Variants in AXDND1 observed in about 807,000 individuals in gnomAD.
AXDND1 encodes the protein axonemal dynein light chain domain-containing protein 1.
AXDND1 carries 110 observed loss-of-function variants against 137.5 expected under a neutral mutation model. That is an observed-to-expected ratio of 0.80 (90% CI 0.69 to 0.94). The LOEUF is 0.94. Ranked by LOEUF, AXDND1 falls within the 40% of genes least tolerant of loss-of-function variation. AXDND1 has a pLI of 0.00. For missense variants in AXDND1, 1,191 were observed against 1,169.8 expected, an observed-to-expected ratio of 1.02 and a Z score of -0.26; for synonymous variants, 414 against 399.7, an observed-to-expected ratio of 1.04 and a Z score of -0.43.
intron 16 of AXDND1, among the ~76,000 whole-genome samples, chr1:179,465,614 C>T (rs1663029229): frequency 6.6e-6 from 1 of 152,206 alleles, no homozygotes; most frequent in African/African-American, 2.4e-5. Flanking sequence ...AGATCTCAAA[C>T]TCTGTGCTGG....
At position 179,445,195 on chromosome 1, in the gene AXDND1, G is replaced by C; in HGVS notation, c.1789G>C (p.Gly597Arg). 1 of 1,552,102 alleles carries C rather than the reference G, an allele frequency of 6.4e-7. No homozygotes were observed. The highest frequency in any genetic ancestry group is 8.8e-7 in the Non-Finnish European group (1 of 1,139,570). ...LYKEYEIRIN[G>R]DNGYSKILPS... ...CAAAGAATATGAAATAAGAATAAATGGGGACAATGGTAAGAAAATACTCAT... is the reference window on the plus strand; with the variant it reads ...CAAAGAATATGAAATAAGAATAAATCGGGACAATGGTAAGAAAATACTCAT... Residue 597 changes from glycine (G) to arginine (R), a missense_variant, in exon 16 of 26, where the codon GGG (glycine) becomes CGG (arginine). Transcript: ENST00000367618.
intron 6 of AXDND1, among the ~76,000 whole-genome samples, chr1:179,381,929 C>T (rs910729747): frequency 1.1e-4 from 15 of 136,776 alleles, no homozygotes; most frequent in Admixed American, 3.7e-4. Context: ...TACAGGCACG[C>T]GCCACCACAC....
chr1:179,374,167 TACAA>T, intron 4 of AXDND1, among the ~76,000 whole-genome samples: 1 of 152,262 alleles, frequency 6.6e-6, no homozygotes, highest in Non-Finnish European at 1.5e-5. Context: ...GGGCAAAGGA[TACAA>T]ACAGACACTT....
At chr1:179,415,922 GTCTTT>G (rs1441625235) in intron 12 of AXDND1, among the ~76,000 whole-genome samples, 1 of 152,084 alleles carries the variant, frequency 6.6e-6, no homozygotes, top group African/African-American at 2.4e-5. Flanking sequence ...TAAAATATTT[GTCTTT>G]TCTTTGTGGT....
At chr1:179,516,997 G>C (rs1415259177) in intron 21 of AXDND1, among the ~76,000 whole-genome samples, 2 of 152,144 alleles carry the variant, frequency 1.3e-5, no homozygotes, top group African/African-American at 4.8e-5. Context: ...AACTGGTGGT[G>C]GGCAGAGCCC....
chr1:179,383,653 A>G (rs999620883), intron 8 of AXDND1, 109 bp downstream of exon 8: 4 of 743,296 alleles, frequency 5.4e-6, no homozygotes, highest in African/African-American at 5.3e-5. Context: ...GGCCTTGGAC[A>G]AGTCATTTAA....
intron 11 of AXDND1, among the ~76,000 whole-genome samples, chr1:179,406,721 C>T (rs1359681681): frequency 6.6e-6 from 1 of 152,054 alleles, no homozygotes; most frequent in African/African-American, 2.4e-5. Flanking sequence ...TTTTCCATCT[C>T]TTCACTTTTA....
chr1:179,509,300 A>G lies in AXDND1; in HGVS notation c.2393A>G (p.Glu798Gly). 6.3e-7 allele frequency: 1 copy of G among 1,599,426 alleles called. No homozygotes were observed. The highest frequency in any genetic ancestry group is 8.5e-7 in the Non-Finnish European group (1 of 1,170,956). ...DLYEVDKLKK[E>G]CYEWINTCSC... Reference sequence around the variant, plus strand: ...TAATCTTTTATCTCTTCTCAGAAAGAATGTTATGAATGGATCAACACATGC... The same window carrying G: ...TAATCTTTTATCTCTTCTCAGAAAGGATGTTATGAATGGATCAACACATGC... Residue 798 changes from glutamate to glycine, a missense_variant, in exon 21 of 26, where the codon GAA (glutamate) becomes GGA (glycine). By Grantham distance (98) the Glu-to-Gly change is moderately conservative. Coordinates refer to ENST00000367618, the MANE Select transcript of AXDND1 (RefSeq NM_144696.6).
At position 179,382,741 on chromosome 1, in the gene AXDND1, T is replaced by C. The variant is rs755639250; in HGVS notation, c.623T>C (p.Leu208Ser). The C allele has an allele frequency of 6.3e-7, 1 of 1,597,896 alleles. No individual in the cohort carries two copies. The highest frequency in any genetic ancestry group is 1.1e-5 in the South Asian group (1 of 90,594). The change falls in exon 7 of 26, where the codon TTG becomes TCG. Residue 208 changes from leucine to serine, a missense_variant. Physicochemically the swap from Leu to Ser is moderately radical, Grantham distance 145 (BLOSUM62 -2). Transcript: ENST00000367618. ...TLLTDSENRL[L>S]LFPSMKPNKR... ...CTCACAGATAGTGAAAACAGGCTAT[T>C]GCTCTTCCCATCCATGTAAGTACAG...
At chr1:179,531,573 G>A (rs934342554) in intron 23 of AXDND1, among the ~76,000 whole-genome samples, 8 of 151,992 alleles carry the variant, frequency 5.3e-5, no homozygotes, top group African/African-American at 1.7e-4. Context: ...CAAACAGAAG[G>A]GGCCTAATTG....
chr1:179,377,882 C>T (rs1364795798), intron 4 of AXDND1, among the ~76,000 whole-genome samples: 1 of 152,138 alleles, frequency 6.6e-6, no homozygotes, highest in Non-Finnish European at 1.5e-5. Context: ...ATCATAATAA[C>T]ATGACAGCGG....
chr1:179,404,607 A>T (rs1018866499), intron 11 of AXDND1, among the ~76,000 whole-genome samples: 3 of 152,006 alleles, frequency 2.0e-5, no homozygotes, highest in Non-Finnish European at 4.4e-5. Flanking sequence ...GATAAATCCC[A>T]CTTAATCATG....
At chr1:179,488,659 CTT>C (rs1273729372) in intron 18 of AXDND1, among the ~76,000 whole-genome samples, 9 of 103,562 alleles carry the variant, frequency 8.7e-5, no homozygotes, top group African/African-American at 3.1e-4. Context: ...TTCTTTCTTT[CTT>C]TCTTTCTTTC....
intron 25 of AXDND1, among the ~76,000 whole-genome samples, chr1:179,540,740 T>A (rs964574347): frequency 1.3e-5 from 2 of 152,196 alleles, no homozygotes; most frequent in African/African-American, 4.8e-5. Context: ...GAACCACTGC[T>A]CTCTTCAGAG....
intron 25 of AXDND1, chr1:179,550,991 C>G (rs1307290202): frequency 4.2e-6 from 3 of 709,046 alleles, no homozygotes; most frequent in Non-Finnish European, 7.1e-6. Context: ...TGTTGTCTGC[C>G]TTCTCTGTCA....
intron 12 of AXDND1, among the ~76,000 whole-genome samples, chr1:179,424,837 C>T (rs1424441187): frequency 6.6e-6 from 1 of 152,162 alleles, no homozygotes; most frequent in Non-Finnish European, 1.5e-5. Context: ...TGTTGAGAAC[C>T]TCTGATGAAT....
At chr1:179,527,023 A>G (rs1670594158) in intron 22 of AXDND1, among the ~76,000 whole-genome samples, 1 of 152,228 alleles carries the variant, frequency 6.6e-6, no homozygotes, top group Non-Finnish European at 1.5e-5. Context: ...TTGCACAAGA[A>G]AGAATTCAGA....
chr1:179,552,273 T>G lies in AXDND1; in HGVS notation c.3032-2239T>G, dbSNP rs976302833. 3.3e-5 allele frequency: 13 copies of G among 393,956 alleles called. No individual in the cohort carries two copies. In the Admixed American group the frequency reaches 4.8e-4, roughly 14 times the overall value. The allele number at this position is 393,956 out of a possible 1,614,324, so 24.4% of individuals were successfully genotyped here. On this transcript the variant is annotated intron_variant, in intron 25 of 25. Transcript: ENST00000367618. ...TAGGGGATACCTAGAAGTTAGAAGT[T>G]AGGGTGACTACGATTACCCAGGAAA...
chr1:179,483,202 A>G lies in AXDND1; in HGVS notation c.2072A>G (p.Asn691Ser). Reference protein sequence around the residue: ...LKIGNEINNGNIELQHHMDEL... With the variant: ...LKIGNEINNGSIELQHHMDEL... ...ATAGGCAATGAAATTAACAACGGTA[A>G]CATTGAACTTCAGCACCACGTATGT... Residue 691 changes from asparagine (N) to serine (S), a missense_variant, in exon 18 of 26, where the codon AAC becomes AGC. Asn to Ser is a conservative substitution (Grantham distance 46, BLOSUM62 1). Coordinates refer to ENST00000367618, the MANE Select transcript of AXDND1 (RefSeq NM_144696.6). The G allele has an allele frequency of 1.2e-6, 2 of 1,609,850 alleles. No individual in the cohort carries two copies. Among genetic ancestry groups the G allele is most frequent in the Non-Finnish European group, 1.7e-6 (2 of 1,177,482 alleles).
Sources: allele counts gnomAD v4.1 joint callset (sites outside exome capture counted in the v4.1 genomes callset), GRCh38; gene constraint gnomAD v4.1.1; transcripts MANE v1.5; gene names NCBI Gene and HGNC (gene_info 2026-07-23, HGNC 2026-07-21).